The following FAM193A variants were observed in gnomAD, a reference collection of about 807,000 sequenced individuals.
FAM193A encodes protein FAM193A.
In FAM193A, 22 loss-of-function variants were observed where a neutral mutation model predicts 126.5. The observed-to-expected ratio is 0.17, with a 90% CI of 0.12 to 0.25. FAM193A has a LOEUF of 0.25. Ranked by LOEUF, FAM193A falls within the 10% of genes least tolerant of loss-of-function variation. FAM193A has a pLI of 1.00. For synonymous variants in FAM193A, 761 were observed against 646.8 expected, an observed-to-expected ratio of 1.18 and a Z score of -2.68; for missense variants, 1,675 against 1,672.8, an observed-to-expected ratio of 1.00 and a Z score of -0.02.
intron 19 of FAM193A, among the ~76,000 whole-genome samples, chr4:2,708,713 T>A (rs1362034037): frequency 6.6e-6 from 1 of 152,172 alleles, no homozygotes; most frequent in Non-Finnish European, 1.5e-5. Context: ...TCTGCCCTCC[T>A]TGGCCTCCCA....
At chr4:2,587,190 T>C (rs921522383) in intron 1 of FAM193A, among the ~76,000 whole-genome samples, 2 of 152,180 alleles carry the variant, frequency 1.3e-5, no homozygotes, top group Non-Finnish European at 2.9e-5. Context: ...TCAGGTTTTT[T>C]CCACTTACGG....
intron 6 of FAM193A, among the ~76,000 whole-genome samples, chr4:2,645,034 A>ATGTGTGTG (rs3221482): frequency 4.0e-5 from 6 of 149,378 alleles, no homozygotes; most frequent in South Asian, 2.1e-4. Context: ...ATATACATGA[A>ATGTGTGTG]TGTGTGTGTG....
chr4:2,626,807 A>G (rs968234304), intron 4 of FAM193A, among the ~76,000 whole-genome samples: 2 of 152,198 alleles, frequency 1.3e-5, no homozygotes, highest in Non-Finnish European at 2.9e-5. Context: ...ATAATTACAC[A>G]AGAAATGTTT....
intron 1 of FAM193A, among the ~76,000 whole-genome samples, chr4:2,581,292 A>G (rs1240930086): frequency 7.2e-6 from 1 of 139,300 alleles, no homozygotes. Flanking sequence ...CTCACTCTGT[A>G]ACCCAGGCTG....
chr4:2,681,312 C>G (rs1324263044), intron 13 of FAM193A, among the ~76,000 whole-genome samples: 1 of 148,152 alleles, frequency 6.7e-6, no homozygotes, highest in East Asian at 2.0e-4. Context: ...TTTTTTTTTT[C>G]CCCTATTGTT....
At chr4:2,555,732 C>G (rs1017408623) in intron 1 of FAM193A, among the ~76,000 whole-genome samples, 1 of 152,170 alleles carries the variant, frequency 6.6e-6, no homozygotes, top group Non-Finnish European at 1.5e-5. Context: ...GTTCTCCTGC[C>G]TCAGCCTCCG....
At chr4:2,596,473 A>G (rs911054533) in intron 2 of FAM193A, 144 bp downstream of exon 2, 13 of 608,092 alleles carry the variant, frequency 2.1e-5, no homozygotes, top group South Asian at 3.9e-5. Context: ...GTCTCCTGGT[A>G]CGTTCCTCCT....
intron 19 of FAM193A, among the ~76,000 whole-genome samples, chr4:2,708,923 A>G (rs1718617162): frequency 6.6e-6 from 1 of 152,082 alleles, no homozygotes; most frequent in African/African-American, 2.4e-5. Flanking sequence ...GTTGTCTTTT[A>G]CTTAACTGCA....
chr4:2,579,550 T>G (rs905116559), intron 1 of FAM193A, among the ~76,000 whole-genome samples: 2 of 151,874 alleles, frequency 1.3e-5, no homozygotes, highest in African/African-American at 4.8e-5. Context: ...ATAAAAAATA[T>G]TAGCCAGACA....
intron 2 of FAM193A, among the ~76,000 whole-genome samples, chr4:2,617,196 AAG>A (rs1467912930): frequency 9.8e-5 from 13 of 133,160 alleles, no homozygotes; most frequent in Non-Finnish European, 1.6e-4. Context: ...AAAAAAAAAA[AAG>A]AATATTTTTT....
intron 1 of FAM193A, among the ~76,000 whole-genome samples, chr4:2,577,230 T>C (rs1468216530): frequency 2.0e-5 from 3 of 152,104 alleles, no homozygotes; most frequent in Non-Finnish European, 4.4e-5. Flanking sequence ...ATATTTTTGG[T>C]GTTAAAGCAT....
Position 2,659,250 on chromosome 4 carries a change from CAAGT to C in FAM193A, c.1390-306_1390-303del, listed in dbSNP as rs545357546. ...CTACAGCTCTGTTCTCAGTACCTTG[CAAGT>C]ACCAAGCACATGGCAGACAGGGTAA... On this transcript the variant is annotated intron_variant, in intron 8 of 20. Transcript: ENST00000637812. Among the ~76,000 whole-genome samples, 6 of 152,314 alleles carry C rather than the reference CAAGT, an allele frequency of 3.9e-5. No individual in the cohort carries two copies. In the East Asian group the frequency reaches 1.2e-3, roughly 29 times the overall value.
intron 7 of FAM193A, among the ~76,000 whole-genome samples, chr4:2,651,665 C>A (rs918177382): frequency 6.6e-6 from 1 of 152,106 alleles, no homozygotes; most frequent in Non-Finnish European, 1.5e-5. Context: ...TGGGTGGGGA[C>A]AAAGGTGAAC....
At position 2,691,255 on chromosome 4, in the gene FAM193A, G is replaced by A. The variant is rs543621516; in HGVS notation, c.2803+285G>A. Among the ~76,000 whole-genome samples the A allele has an allele frequency of 5.3e-5, 8 of 152,246 alleles. No individual in the cohort carries two copies. The South Asian group carries it at 1.7e-3, about 32-fold the overall frequency. On this transcript the variant is annotated intron_variant, in intron 15 of 20. Transcript: ENST00000637812. ...TTGAGTTAGGGTCTCACTCTTGTTCGCCCAGGCTGGAGTGCAGCAGTGCAG... is the reference window on the plus strand; with the variant it reads ...TTGAGTTAGGGTCTCACTCTTGTTCACCCAGGCTGGAGTGCAGCAGTGCAG...
chr4:2,581,735 G>A (rs1445360057), intron 1 of FAM193A, among the ~76,000 whole-genome samples: 1 of 151,034 alleles, frequency 6.6e-6, no homozygotes, highest in Non-Finnish European at 1.5e-5. Context: ...CTCACTGCAG[G>A]CTCCGTTTCC....
chr4:2,637,245 T>A (rs1398899836), intron 5 of FAM193A, among the ~76,000 whole-genome samples: 1 of 152,206 alleles, frequency 6.6e-6, no homozygotes, highest in Non-Finnish European at 1.5e-5. Flanking sequence ...GAGGATTGCT[T>A]GAGCCTGGGA....
At chr4:2,638,122 C>G (rs1744265784) in intron 5 of FAM193A, among the ~76,000 whole-genome samples, 2 of 152,248 alleles carry the variant, frequency 1.3e-5, no homozygotes, top group African/African-American at 4.8e-5. Flanking sequence ...TCAGCTCTTC[C>G]AGGAGGCCCC....
At chr4:2,638,501 AGGCACT>A (rs1255399209) in intron 5 of FAM193A, among the ~76,000 whole-genome samples, 7 of 152,144 alleles carry the variant, frequency 4.6e-5, no homozygotes, top group Admixed American at 4.6e-4. Context: ...TCAATCTGGG[AGGCACT>A]GGTGAAAACA....
At chr4:2,722,877 G>C (rs1720312285) in intron 20 of FAM193A, among the ~76,000 whole-genome samples, 1 of 152,208 alleles carries the variant, frequency 6.6e-6, no homozygotes, top group Non-Finnish European at 1.5e-5. Flanking sequence ...TGCCCAGGCT[G>C]GTCTGGAACT....
Sources: gnomAD v4.1 joint callset for allele counts (sites outside exome capture counted in the v4.1 genomes callset) on GRCh38, gnomAD v4.1.1 for gene constraint, MANE v1.5 for transcripts, NCBI Gene and HGNC (gene_info 2026-07-23, HGNC 2026-07-21) for gene names.